Variants in SLC4A7 observed in about 807,000 individuals in gnomAD.
SLC4A7 encodes the protein solute carrier family 4 member 7, also known as sodium bicarbonate cotransporter 3.
In SLC4A7, 51 loss-of-function variants were observed where a neutral mutation model predicts 137.6. That is an observed-to-expected ratio of 0.37 (90% CI 0.30 to 0.47). The LOEUF is 0.47. Among genes scored for constraint, SLC4A7 ranks in the 20% least tolerant of loss-of-function variants. The probability of loss-of-function intolerance (pLI) is 1.00; values close to 1 mark genes in which losing one functional copy is unlikely to be tolerated. For synonymous variants in SLC4A7, 542 were observed against 518.6 expected, an observed-to-expected ratio of 1.05 and a Z score of -0.61; for missense variants, 1,247 against 1,525.4, an observed-to-expected ratio of 0.82 and a Z score of 3.04.
chr3:27,456,293 T>A (rs1196812087), intron 1 of SLC4A7, among the ~76,000 whole-genome samples: 2 of 152,212 alleles, frequency 1.3e-5, no homozygotes, highest in Non-Finnish European at 2.9e-5. Flanking sequence ...CCATAAATTA[T>A]GATGAACCAT....
chr3:27,434,857 C>T (rs2056612608), intron 5 of SLC4A7, among the ~76,000 whole-genome samples: 1 of 151,998 alleles, frequency 6.6e-6, no homozygotes, highest in African/African-American at 2.4e-5. Flanking sequence ...AAGGACCAGC[C>T]TAATAGGTAA....
At chr3:27,452,618 T>C in intron 1 of SLC4A7, 120 bp from the exon 2 acceptor site, 1 of 504,114 alleles carries the variant, frequency 2.0e-6, no homozygotes, top group Non-Finnish European at 3.4e-6. Flanking sequence ...ATAACTGAAC[T>C]CATTACAGCT....
At chr3:27,430,311 A>G (rs1433057916) in intron 7 of SLC4A7, among the ~76,000 whole-genome samples, 1 of 151,888 alleles carries the variant, frequency 6.6e-6, no homozygotes, top group Non-Finnish European at 1.5e-5. Flanking sequence ...GCACACACAC[A>G]CACACACACA....
intron 3 of SLC4A7, among the ~76,000 whole-genome samples, chr3:27,445,763 C>CA (rs71087607): frequency 0.16 from 15,802 of 99,494 alleles, 1,337 homozygotes; most frequent in Non-Finnish European, 0.21. Flanking sequence ...ACTAAAAATA[C>CA]AAAAAAAAAA....
Position 27,424,100 on chromosome 3 carries a change from A to G in SLC4A7, c.1203T>C (p.Ser401=). The G allele has an allele frequency of 6.2e-7, 1 of 1,612,156 alleles. No individual in the cohort carries two copies. The highest frequency in any genetic ancestry group is 1.3e-5 in the African/African-American group (1 of 74,918). ...CACTTCCATTACCTTTAATTTCTCC[A>G]CTTTTACTATTGTCCAAGTTTCCAG... ...SAPGNLDNSK[S]GEIKGNGSGG... Residue 401 remains serine, a synonymous_variant, in exon 8 of 26, where the codon AGT becomes AGC. Coordinates refer to ENST00000454389, the MANE Select transcript of SLC4A7 (RefSeq NM_001321103.2).
chr3:27,461,384 G>A (rs1459391773), intron 1 of SLC4A7, among the ~76,000 whole-genome samples: 1 of 151,834 alleles, frequency 6.6e-6, no homozygotes, highest in African/African-American at 2.4e-5. Flanking sequence ...GAGTGACGAA[G>A]CGAGACACTG....
At position 27,404,959 on chromosome 3, in the gene SLC4A7, G is replaced by A. The variant is rs1311702594; in HGVS notation, c.1946C>T (p.Ala649Val). The part of the protein sequence containing the change: ...LGEATEGRIS[A>V]IESLFGASLT... ...TGATGCTCCAAAAAGAGACTCTATT[G>A]CACTCTGTTTAAGGAAAAAAGAAAT... The change falls in exon 14 of 26, where the codon GCA becomes GTA. Residue 649 changes from alanine to valine, a missense_variant. By Grantham distance (64) the Ala-to-Val change is moderately conservative. Around this residue, in one of 6 missense-constraint regions of SLC4A7, gnomAD observed 499 missense variants for 664.2 expected, o/e 0.75. Coordinates refer to ENST00000454389, the MANE Select transcript of SLC4A7 (RefSeq NM_001321103.2). 6.3e-7 allele frequency: 1 copy of A among 1,582,728 alleles called. No homozygotes were observed. Among genetic ancestry groups the A allele is most frequent in the Non-Finnish European group, 8.5e-7 (1 of 1,170,916 alleles).
At chr3:27,466,161 G>C (rs1235524759) in intron 1 of SLC4A7, among the ~76,000 whole-genome samples, 1 of 151,770 alleles carries the variant, frequency 6.6e-6, no homozygotes, top group Admixed American at 6.6e-5. Flanking sequence ...ACAGAAAAGG[G>C]GGTACATTGG....
At chr3:27,407,421 A>G (rs1211291452) in intron 13 of SLC4A7, among the ~76,000 whole-genome samples, 1 of 151,110 alleles carries the variant, frequency 6.6e-6, no homozygotes, top group Non-Finnish European at 1.5e-5. Flanking sequence ...CGGAGGTTGC[A>G]GTGAGCTGAG....
At position 27,395,026 on chromosome 3, in the gene SLC4A7, A is replaced by G. The variant is rs758505357; in HGVS notation, c.2793T>C (p.Leu931=). ...GATCCATAAAGATGAGAATGGTACA[A>G]AGCAAAGCAGGAATAGCAGCTATTA... ...TLLIAAIPAL[L]CTILIFMDQQ... The change falls in exon 19 of 26, where the codon CTT becomes CTC. Residue 931 remains leucine (L), a synonymous_variant. Transcript: ENST00000454389. 6.2e-7 allele frequency: 1 copy of G among 1,612,992 alleles called. No homozygotes were observed. Among genetic ancestry groups the G allele is most frequent in the South Asian group, 1.1e-5 (1 of 90,720 alleles).
chr3:27,383,150 C>T lies in SLC4A7; in HGVS notation c.3590+3G>A, dbSNP rs577541204. 4.7e-5 allele frequency: 75 copies of T among 1,579,086 alleles called. No individual in the cohort carries two copies. The East Asian group carries it at 1.4e-3, about 30-fold the overall frequency. ...AGTTTTAGAGCATAAAGTCATATCT[C>T]ACCTATATTTTAGGGCCTTGACTGG... On this transcript the variant is annotated splice_donor_region_variant and intron_variant, in intron 24 of 25. Coordinates refer to ENST00000454389, the MANE Select transcript of SLC4A7 (RefSeq NM_001321103.2).
At chr3:27,439,457 T>C (rs1363899128) in intron 3 of SLC4A7, among the ~76,000 whole-genome samples, 1 of 152,202 alleles carries the variant, frequency 6.6e-6, no homozygotes, top group East Asian at 1.9e-4. Context: ...TTCCAGCATT[T>C]AGGTCTTGCA....
chr3:27,385,997 T>C lies in SLC4A7; in HGVS notation c.3387A>G (p.Lys1129=), dbSNP rs201055096. 9 of 1,607,556 alleles carry C rather than the reference T, an allele frequency of 5.6e-6. No individual in the cohort carries two copies. In the East Asian group the frequency reaches 1.6e-4, roughly 28 times the overall value. Residue 1129 remains lysine (K), a synonymous_variant, in exon 23 of 26, where the codon AAA becomes AAG. Transcript: ENST00000454389. The stretch of plus-strand genomic sequence containing the variant: ...TCTTCGTGAAACACAGGTCCATGAG[T>C]TTGCGCACAAACACTAATGCAAGAA... ...MMVLALVFVR[K]LMDLCFTKRE... is the part of the protein sequence containing the mutation.
intron 3 of SLC4A7, among the ~76,000 whole-genome samples, chr3:27,446,164 T>C (rs1020972024): frequency 3.3e-5 from 5 of 150,984 alleles, no homozygotes; most frequent in African/African-American, 1.2e-4. Flanking sequence ...ACACCTTAAA[T>C]GTATACAAAT....
chr3:27,392,697 C>T (rs2051697400), intron 20 of SLC4A7, among the ~76,000 whole-genome samples: 1 of 151,644 alleles, frequency 6.6e-6, no homozygotes. Context: ...CATGGTGGCA[C>T]GTGCCTGTAG....
At chr3:27,480,952 G>A (rs2059682409) in intron 1 of SLC4A7, among the ~76,000 whole-genome samples, 1 of 151,960 alleles carries the variant, frequency 6.6e-6, no homozygotes, top group Admixed American at 6.6e-5. Context: ...CCCATTACCT[G>A]GCACCTATAG....
chr3:27,438,483 C>A (rs537809161), intron 3 of SLC4A7, among the ~76,000 whole-genome samples: 3 of 151,422 alleles, frequency 2.0e-5, no homozygotes, highest in Non-Finnish European at 4.4e-5. Context: ...CCAGCCTGGG[C>A]GACAGAGCAA....
At position 27,484,324 on chromosome 3, in the gene SLC4A7, G is replaced by T; in HGVS notation, c.-198C>A. On this transcript the variant is annotated 5_prime_UTR_variant, in exon 1 of 26. Transcript: ENST00000454389. ...CGCGGGGCGTGCGTGTGCGCGCTGC[G>T]ACTGCTGGGCTGGCTTTAGTAGGAG... 1 of 361,132 alleles carries T rather than the reference G, an allele frequency of 2.8e-6. No individual in the cohort carries two copies. Among genetic ancestry groups the T allele is most frequent in the South Asian group, 1.4e-4 (1 of 6,964 alleles). The allele number at this position is 361,132 out of a possible 1,614,324, so 22.4% of individuals were successfully genotyped here. A position where few individuals can be genotyped will look rare whatever the true frequency, so the allele number is the denominator to read the frequency against.
At chr3:27,382,743 G>A (rs1410456023) in intron 24 of SLC4A7, among the ~76,000 whole-genome samples, 2 of 152,108 alleles carry the variant, frequency 1.3e-5, no homozygotes, top group African/African-American at 2.4e-5. Flanking sequence ...AATGGACACT[G>A]ACAAAGATTA....
Sources: allele counts gnomAD v4.1 joint callset (sites outside exome capture counted in the v4.1 genomes callset), GRCh38; gene constraint gnomAD v4.1.1; regional missense constraint gnomAD v4.1.1; transcripts MANE v1.5; gene names NCBI Gene and HGNC (gene_info 2026-07-23, HGNC 2026-07-21).